Variants in IFT81 observed in about 807,000 individuals in gnomAD.
IFT81 encodes intraflagellar transport 81, also known as intraflagellar transport protein 81 homolog.
A neutral mutation model predicts 102.6 loss-of-function variants in IFT81; 72 were observed. That is an observed-to-expected ratio of 0.70 (90% CI 0.58 to 0.85). The LOEUF (loss-of-function observed/expected upper bound fraction) is 0.85, where lower values mean the gene tolerates loss of function less well. Among genes scored for constraint, IFT81 ranks in the 40% least tolerant of loss-of-function variants. IFT81 has a pLI of 0.00. For synonymous variants in IFT81, 237 were observed against 242.7 expected (o/e 0.98, Z 0.22); for missense variants, 723 against 787.3 (o/e 0.92, Z 0.98).
intron 8 of IFT81, among the ~76,000 whole-genome samples, chr12:110,141,344 G>A (rs1894877579): frequency 6.6e-6 from 1 of 152,132 alleles, no homozygotes. Context: ...AGCCTACAGT[G>A]TGATTTATTA....
At chr12:110,174,885 C>T (rs1013028319) in intron 11 of IFT81, among the ~76,000 whole-genome samples, 3 of 152,186 alleles carry the variant, frequency 2.0e-5, no homozygotes, top group African/African-American at 7.2e-5. Flanking sequence ...CACTATAAAG[C>T]ATTAGTCCAT....
At chr12:110,162,726 T>G (rs1037247290) in intron 10 of IFT81, among the ~76,000 whole-genome samples, 193 bp from the exon 11 acceptor site, 1 of 152,162 alleles carries the variant, frequency 6.6e-6, no homozygotes, top group African/African-American at 2.4e-5. Flanking sequence ...TAGGTTGGTA[T>G]TTAATATACA....
chr12:110,211,940 A>G (rs1219392962), intron 18 of IFT81, among the ~76,000 whole-genome samples: 3 of 152,208 alleles, frequency 2.0e-5, no homozygotes, highest in African/African-American at 7.2e-5. Context: ...AAATGATTAT[A>G]TATTTATTGA....
intron 12 of IFT81, among the ~76,000 whole-genome samples, chr12:110,182,631 G>A (rs565334756): frequency 4.3e-4 from 65 of 152,242 alleles, no homozygotes; most frequent in African/African-American, 1.5e-3. Flanking sequence ...CTGTTATATA[G>A]CAGCATCTAT....
At chr12:110,211,032 T>A (rs1277264459) in intron 18 of IFT81, among the ~76,000 whole-genome samples, 1 of 144,338 alleles carries the variant, frequency 6.9e-6, no homozygotes, top group Non-Finnish European at 1.5e-5. Context: ...ATTTTTGTAT[T>A]TTTTTTTTTT....
In IFT81 at chr12:110,218,061, A is replaced by G. The variant is rs1418855273; in HGVS notation, c.1866A>G (p.Gln622=). 1 of 1,600,484 alleles carries G rather than the reference A, an allele frequency of 6.2e-7. No homozygotes were observed. ...ENLGKKLREK[Q]KVIRESHGPN... The stretch of plus-strand genomic sequence containing the variant: ...AATGATAGAAACTTCGGGAAAAACA[A>G]AAAGTTATACGAGAAAGTCATGGTC... Residue 622 remains glutamine, a synonymous_variant, in exon 19 of 19, where the codon CAA becomes CAG. Transcript: ENST00000242591.
At chr12:110,160,907 T>G (rs562564237) in intron 10 of IFT81, among the ~76,000 whole-genome samples, 6 of 152,304 alleles carry the variant, frequency 3.9e-5, no homozygotes, top group Non-Finnish European at 8.8e-5. Flanking sequence ...TGCTTTCTCA[T>G]GTCTATTAGC....
At chr12:110,211,130 G>T (rs535230479) in intron 18 of IFT81, among the ~76,000 whole-genome samples, 1 of 149,686 alleles carries the variant, frequency 6.7e-6, no homozygotes, top group East Asian at 2.0e-4. Flanking sequence ...CAAAGTGTGG[G>T]ATTACAGGCA....
rs1870400401 is a variant in IFT81, at chr12:110,218,250, T to C, written c.*24T>C. ...GAATTCTTGTGTCATCGTTTGGGGT[T>C]TTACTTGATACCACTAGCTATAAGC... On this transcript the variant is annotated 3_prime_UTR_variant, in exon 19 of 19. Transcript: ENST00000242591. 1 of 1,489,428 alleles carries C rather than the reference T, an allele frequency of 6.7e-7. No individual in the cohort carries two copies. The highest frequency in any genetic ancestry group is 1.4e-5 in the African/African-American group (1 of 69,624). 92.3% of individuals were successfully genotyped at this position (1,489,428 alleles called of 1,614,324 possible). A position where few individuals can be genotyped will look rare whatever the true frequency, so the allele number is the denominator to read the frequency against.
In IFT81 at chr12:110,136,870, AATT is replaced by A. The variant is rs149943976; in HGVS notation, c.781+16_781+18del. ...GATGCAAAGCCTGAAAGTAAGTGGAAATTATTATATGGTATAGATGATTAGAAA... is the reference window on the plus strand; with the variant it reads ...GATGCAAAGCCTGAAAGTAAGTGGAAATTATATGGTATAGATGATTAGAAA... On this transcript the variant is annotated intron_variant, in intron 8 of 18. Coordinates refer to ENST00000242591, the MANE Select transcript of IFT81 (RefSeq NM_014055.4). The A allele has an allele frequency of 9.1e-3, 14,165 of 1,551,214 alleles. 1,085 individuals carry two copies. In the African/African-American group the frequency reaches 0.17, roughly 18 times the overall value.
Position 110,192,671 on chromosome 12 carries a change from A to T in IFT81, c.1522A>T (p.Ile508Leu), listed in dbSNP as rs1261711770. 1.3e-6 allele frequency: 2 copies of T among 1,593,140 alleles called. No homozygotes were observed. Among genetic ancestry groups the T allele is most frequent in the Non-Finnish European group, 1.7e-6 (2 of 1,170,650 alleles). Residue 508 changes from isoleucine to leucine, a missense_variant, in exon 14 of 19, where the codon ATA (isoleucine) becomes TTA (leucine). Coordinates refer to ENST00000242591, the MANE Select transcript of IFT81 (RefSeq NM_014055.4). ...AAAGAAGTCAGCTCTTGCCTCAGTT[A>T]TAAAAGAGCTACGACAGTTGCGTCA... ...SEKKSALASV[I>L]KELRQLRQKY...
chr12:110,161,969 C>T (rs1367870810), intron 10 of IFT81, among the ~76,000 whole-genome samples: 2 of 152,124 alleles, frequency 1.3e-5, no homozygotes, highest in Non-Finnish European at 2.9e-5. Context: ...AGCTATGGTT[C>T]GTTTAAGGAA....
intron 14 of IFT81, among the ~76,000 whole-genome samples, chr12:110,194,001 G>A (rs1425563112): frequency 6.6e-6 from 1 of 152,182 alleles, no homozygotes; most frequent in Non-Finnish European, 1.5e-5. Context: ...ATGGCAGAAG[G>A]CAAAGAGAGA....
At chr12:110,189,204 T>C (rs1325169091) in intron 12 of IFT81, among the ~76,000 whole-genome samples, 1 of 152,176 alleles carries the variant, frequency 6.6e-6, no homozygotes, top group East Asian at 1.9e-4. Context: ...CCCTTGGATC[T>C]GCTTTCTATC....
Position 110,135,349 on chromosome 12 carries a change from A to C in IFT81, c.608A>C (p.Gln203Pro). 6.2e-7 allele frequency: 1 copy of C among 1,612,040 alleles called. No homozygotes were observed. The change falls in exon 7 of 19, where the codon CAA becomes CCA. Residue 203 changes from glutamine (Q) to proline (P), a missense_variant. By Grantham distance (76) the Gln-to-Pro change is moderately conservative. Coordinates refer to ENST00000242591, the MANE Select transcript of IFT81 (RefSeq NM_014055.4). ...KKRVETAQNH[Q>P]WMLKIARQLR... is the part of the protein sequence containing the mutation. ...TAGGTTGAGACAGCTCAGAATCATC[A>C]ATGGATGCTTAAAATAGCAAGGCAA...
At chr12:110,142,503 T>TAACTTGTGG (rs2137354332) in intron 8 of IFT81, among the ~76,000 whole-genome samples, 1 of 152,268 alleles carries the variant, frequency 6.6e-6, no homozygotes, top group East Asian at 1.9e-4. Flanking sequence ...GTGGTGCTTT[T>TAACTTGTGG]AGTAATGTCT....
At position 110,215,325 on chromosome 12, in the gene IFT81, A is replaced by G. The variant is rs143301841; in HGVS notation, c.1849-2719A>G. On this transcript the variant is annotated intron_variant, in intron 18 of 18. Coordinates refer to ENST00000242591, the MANE Select transcript of IFT81 (RefSeq NM_014055.4). Reference sequence around the variant, plus strand: ...ACTCGGTGTCGGTACAGATATTTCCAACACACTGCATTTCGTTCTATGTGC... The same window carrying G: ...ACTCGGTGTCGGTACAGATATTTCCGACACACTGCATTTCGTTCTATGTGC... Among the ~76,000 whole-genome samples, 1,059 of 151,782 alleles carry G rather than the reference A, an allele frequency of 7.0e-3. 1 individual carries two copies. Among genetic ancestry groups the G allele is most frequent in the Non-Finnish European group, 9.4e-3 (640 of 67,954 alleles).
chr12:110,174,320 G>A (rs542175559), intron 11 of IFT81, among the ~76,000 whole-genome samples: 6 of 149,220 alleles, frequency 4.0e-5, no homozygotes, highest in African/African-American at 1.5e-4. Context: ...AGCCGGGTGT[G>A]GTGGTGTGCC....
At chr12:110,167,753 A>G (rs1229450665) in intron 11 of IFT81, 1 of 155,366 alleles carries the variant, frequency 6.4e-6, no homozygotes, top group Non-Finnish European at 1.4e-5. Context: ...GGCAATTACA[A>G]CGTGCCATAT....
Sources: gnomAD v4.1 joint callset for allele counts (sites outside exome capture counted in the v4.1 genomes callset) on GRCh38, gnomAD v4.1.1 for gene constraint, MANE v1.5 for transcripts, NCBI Gene and HGNC (gene_info 2026-07-23, HGNC 2026-07-21) for gene names.